SEMA4B: variants seen among roughly 807,000 people sequenced by gnomAD.
SEMA4B encodes the protein semaphorin 4B.
Under a neutral mutation model 88.1 loss-of-function variants are expected in SEMA4B, and 55 were observed. The ratio of observed to expected loss-of-function variants is 0.62; its 90% CI spans 0.50 to 0.78. The LOEUF (loss-of-function observed/expected upper bound fraction) is 0.78, where lower values mean the gene tolerates loss of function less well. Among genes scored for constraint, SEMA4B ranks in the 30% least tolerant of loss-of-function variants. The probability of loss-of-function intolerance (pLI) is 0.00; values close to 1 mark genes in which losing one functional copy is unlikely to be tolerated. For missense variants in SEMA4B, 1,062 were observed against 1,111.9 expected (o/e 0.96, Z 0.64); for synonymous variants, 525 against 473.6 (o/e 1.11, Z -1.41).
chr15:90,226,417 T>G (rs892446722), intron 12 of SEMA4B, among the ~76,000 whole-genome samples: 9 of 152,248 alleles, frequency 5.9e-5, no homozygotes, highest in African/African-American at 2.2e-4. Context: ...CTCGGTTCAC[T>G]GCAACCTCCA....
chr15:90,210,696 G>A (rs760347301), intron 1 of SEMA4B, among the ~76,000 whole-genome samples: 10 of 152,106 alleles, frequency 6.6e-5, no homozygotes, highest in South Asian at 2.1e-4. Context: ...AGGGAGACAC[G>A]GAGTGATGCT....
At chr15:90,220,789 A>G (rs866338956) in intron 4 of SEMA4B, among the ~76,000 whole-genome samples, 193 bp from the exon 5 acceptor site, 2 of 152,082 alleles carry the variant, frequency 1.3e-5, no homozygotes, top group South Asian at 4.1e-4. Context: ...CCTGAGGCCG[A>G]CTGTCCAGGT....
chr15:90,186,695 T>C (rs927838284), intron 1 of SEMA4B, among the ~76,000 whole-genome samples: 1 of 152,120 alleles, frequency 6.6e-6, no homozygotes, highest in African/African-American at 2.4e-5. Flanking sequence ...CCCAGCACTT[T>C]GGGAGGCCGA....
upstream of SEMA4B, among the ~76,000 whole-genome samples, chr15:90,197,682 GCA>G (rs1960557572): frequency 1.3e-5 from 2 of 151,278 alleles, no homozygotes; most frequent in African/African-American, 4.9e-5. Flanking sequence ...CATGATCCGC[GCA>G]CCTCGGCCTC....
chr15:90,207,026 A>C (rs904946553), intron 1 of SEMA4B: 5 of 404,874 alleles, frequency 1.2e-5, no homozygotes, highest in East Asian at 1.2e-4. Flanking sequence ...CAGCGGCTCT[A>C]TACTTATTAG....
At chr15:90,201,315 G>C (rs1960703902), upstream of SEMA4B, 3 of 1,164,650 alleles carry the variant, frequency 2.6e-6, no homozygotes, top group East Asian at 1.2e-4. Flanking sequence ...TCCTCCTTCA[G>C]CCCCGCCCTC....
At chr15:90,196,687 C>T (rs1960519105), upstream of SEMA4B, among the ~76,000 whole-genome samples, 1 of 151,978 alleles carries the variant, frequency 6.6e-6, no homozygotes, top group Non-Finnish European at 1.5e-5. Flanking sequence ...CGGGGTTTCA[C>T]CATGTTAGCC....
Position 90,201,466 on chromosome 15 carries a change from G to T in SEMA4B, c.-113G>T. 7.7e-7 allele frequency: 1 copy of T among 1,306,484 alleles called. No homozygotes were observed. Among genetic ancestry groups the T allele is most frequent in the Non-Finnish European group, 9.7e-7 (1 of 1,030,738 alleles). 80.9% of individuals were successfully genotyped at this position (1,306,484 alleles called of 1,614,324 possible). A position where few individuals can be genotyped will look rare whatever the true frequency, so the allele number is the denominator to read the frequency against. On this transcript the variant is annotated 5_prime_UTR_variant, in exon 1 of 14. Transcript: ENST00000411539. ...CACCTCCCGCCCCCCAGGTCCGGAGGCGGGGGCCCCCGGGGCGACTCGGGG... is the reference window on the plus strand; with the variant it reads ...CACCTCCCGCCCCCCAGGTCCGGAGTCGGGGGCCCCCGGGGCGACTCGGGG...
In SEMA4B at chr15:90,202,724, G is replaced by T. The variant is rs1012909089; in HGVS notation, c.157+989G>T. 2.7e-4 allele frequency among the ~76,000 whole-genome samples: 41 copies of T among 152,156 alleles called. 3 individuals carry two copies. ...TTATAAGTGCCCAACAGATGTATCC[G>T]CAAGCCCTTTAACTTGTTGGTTGTC... On this transcript the variant is annotated intron_variant, in intron 1 of 13. Coordinates refer to ENST00000411539, the MANE Select transcript of SEMA4B (RefSeq NM_198925.4).
At chr15:90,188,413 A>G (rs999601267) in intron 1 of SEMA4B, among the ~76,000 whole-genome samples, 1 of 151,782 alleles carries the variant, frequency 6.6e-6, no homozygotes, top group Non-Finnish European at 1.5e-5. Flanking sequence ...GGATCACCTG[A>G]GGTCAGGGGT....
intron 1 of SEMA4B, among the ~76,000 whole-genome samples, chr15:90,213,840 CTCTT>C (rs1961390710): frequency 6.6e-6 from 1 of 152,208 alleles, no homozygotes; most frequent in East Asian, 1.9e-4. Context: ...GGTCTCACTC[CTCTT>C]GAGACTCCTG....
At chr15:90,225,864 C>T (rs755010625) in intron 12 of SEMA4B, 37 bp downstream of exon 12, 12 of 1,451,128 alleles carry the variant, frequency 8.3e-6, no homozygotes, top group Admixed American at 2.6e-5. Context: ...ATCTGTCCAG[C>T]CCTGCACAGG....
At chr15:90,217,417 A>G (rs1961583190) in intron 1 of SEMA4B, 22 bp from the exon 2 acceptor site, 1 of 1,606,576 alleles carries the variant, frequency 6.2e-7, no homozygotes, top group Non-Finnish European at 8.5e-7. Context: ...GCCCCAGGTA[A>G]TACCCATCTT....
At chr15:90,185,809 C>A (rs1416972692) in intron 1 of SEMA4B, among the ~76,000 whole-genome samples, 1 of 152,128 alleles carries the variant, frequency 6.6e-6, no homozygotes, top group Non-Finnish European at 1.5e-5. Context: ...GGCCCATCCC[C>A]CCTCATTTTC....
chr15:90,217,518 C>G lies in SEMA4B; in HGVS notation c.237C>G (p.Gly79=), dbSNP rs1392330885. ...NYTALLLSRD[G]RTLYVGAREA... is the part of the protein sequence containing the mutation. ...CAGCCCTTCTGCTGAGCAGGGATGG[C>G]AGGACCCTGTACGTGGGTGCTCGAG... Residue 79 remains glycine (G), a synonymous_variant, in exon 2 of 14, where the codon GGC becomes GGG. Transcript: ENST00000411539. 4 of 1,613,964 alleles carry G rather than the reference C, an allele frequency of 2.5e-6. No homozygotes were observed. The highest frequency in any genetic ancestry group is 3.4e-6 in the Non-Finnish European group (4 of 1,179,866).
chr15:90,185,306 C>T (rs567395102), intron 1 of SEMA4B, among the ~76,000 whole-genome samples: 1 of 152,324 alleles, frequency 6.6e-6, no homozygotes, highest in African/African-American at 2.4e-5. Context: ...TTCCCATGGC[C>T]ACCGGGGGCC....
chr15:90,222,249 CTTTTCT>C (rs779534023), intron 7 of SEMA4B, among the ~76,000 whole-genome samples: 2 of 104,352 alleles, frequency 1.9e-5, no homozygotes, highest in East Asian at 2.7e-4. Context: ...CATTTTTTTT[CTTTTCT>C]TTTTTTTTTT....
At position 90,201,514 on chromosome 15, in the gene SEMA4B, C is replaced by G. The variant is rs1567045759; in HGVS notation, c.-65C>G. 2.2e-6 allele frequency: 3 copies of G among 1,335,418 alleles called. No homozygotes were observed. Among genetic ancestry groups the G allele is most frequent in the South Asian group, 3.8e-5 (2 of 52,182 alleles). 82.7% of individuals were successfully genotyped at this position (1,335,418 alleles called of 1,614,324 possible). Reference sequence around the variant, plus strand: ...GGGGCGGACCGCGGGGCGGAGCTGCCGCCCGTGAGTCCGGCCGAGCCACCT... The same window carrying G: ...GGGGCGGACCGCGGGGCGGAGCTGCGGCCCGTGAGTCCGGCCGAGCCACCT... On this transcript the variant is annotated 5_prime_UTR_variant, in exon 1 of 14. Coordinates refer to ENST00000411539, the MANE Select transcript of SEMA4B (RefSeq NM_198925.4).
At chr15:90,186,802 G>A (rs1960178814) in intron 1 of SEMA4B, among the ~76,000 whole-genome samples, 1 of 152,030 alleles carries the variant, frequency 6.6e-6, no homozygotes, top group Middle Eastern at 3.2e-3. Flanking sequence ...ACGTGGTGGT[G>A]GGCGCCTGTA....
Sources: allele counts gnomAD v4.1 joint callset (sites outside exome capture counted in the v4.1 genomes callset), GRCh38; gene constraint gnomAD v4.1.1; transcripts MANE v1.5; gene names NCBI Gene and HGNC (gene_info 2026-07-23, HGNC 2026-07-21).